ST8SIA1: variants seen among roughly 807,000 people sequenced by gnomAD.
ST8SIA1 encodes the protein alpha-N-acetylneuraminide alpha-2,8-sialyltransferase.
A neutral mutation model predicts 35.9 loss-of-function variants in ST8SIA1; 16 were observed. The ratio of observed to expected loss-of-function variants is 0.45; its 90% CI spans 0.30 to 0.68. ST8SIA1 has a LOEUF of 0.68. Among genes scored for constraint, ST8SIA1 ranks in the 30% least tolerant of loss-of-function variants. ST8SIA1 has a pLI of 0.09. For missense variants in ST8SIA1, 383 were observed against 453.6 expected (o/e 0.84, Z 1.41); for synonymous variants, 170 against 169.6 (o/e 1.00, Z -0.02).
chr12:22,284,046 A>T lies in ST8SIA1; in HGVS notation c.381+3103T>A, dbSNP rs529671434. Among the ~76,000 whole-genome samples, 405 of 152,326 alleles carry T rather than the reference A, an allele frequency of 2.7e-3. 3 individuals carry two copies. Among genetic ancestry groups the T allele is most frequent in the African/African-American group, 9.2e-3 (381 of 41,576 alleles). On this transcript the variant is annotated intron_variant, in intron 2 of 4. Coordinates refer to ENST00000396037, the MANE Select transcript of ST8SIA1 (RefSeq NM_003034.4). ...CTAACTAAAAGGAGTTTGATGTGGC[A>T]TCTCAATTCACAGACATTTCAATAG...
intron 2 of ST8SIA1, among the ~76,000 whole-genome samples, chr12:22,282,919 G>GA (rs970901532): frequency 1.1e-4 from 16 of 151,198 alleles, no homozygotes; most frequent in African/African-American, 3.9e-4. Context: ...TTTATTAAAA[G>GA]AAAAAAAAAT....
At chr12:22,225,931 T>C (rs1302657981) in intron 4 of ST8SIA1, among the ~76,000 whole-genome samples, 1 of 152,162 alleles carries the variant, frequency 6.6e-6, no homozygotes, top group Non-Finnish European at 1.5e-5. Flanking sequence ...ACCATGTATA[T>C]CAGCAAACAC....
intron 4 of ST8SIA1, among the ~76,000 whole-genome samples, chr12:22,241,028 G>C (rs1054336427): frequency 1.4e-5 from 2 of 139,500 alleles, no homozygotes; most frequent in Non-Finnish European, 3.0e-5. Context: ...GCCCAGGCAA[G>C]ACTGCAATCA....
At chr12:22,251,845 G>A (rs1012706542) in intron 3 of ST8SIA1, among the ~76,000 whole-genome samples, 1 of 152,194 alleles carries the variant, frequency 6.6e-6, no homozygotes, top group African/African-American at 2.4e-5. Flanking sequence ...ATGGGCTTGA[G>A]AGAAAGAAAT....
intron 1 of ST8SIA1, among the ~76,000 whole-genome samples, chr12:22,313,462 AG>A (rs1866478524): frequency 6.6e-6 from 1 of 152,176 alleles, no homozygotes. Flanking sequence ...AGAAACCATG[AG>A]GCATAGAAAA....
intron 4 of ST8SIA1, among the ~76,000 whole-genome samples, chr12:22,205,827 G>A (rs1003652725): frequency 6.6e-6 from 1 of 151,662 alleles, no homozygotes; most frequent in Non-Finnish European, 1.5e-5. Context: ...TTTCAACACA[G>A]GAAAATATTA....
At chr12:22,322,550 A>G (rs931274545) in intron 1 of ST8SIA1, among the ~76,000 whole-genome samples, 7 of 152,224 alleles carry the variant, frequency 4.6e-5, no homozygotes, top group Non-Finnish European at 5.9e-5. Context: ...TTCATCCAAT[A>G]CTCATTAGAC....
intron 3 of ST8SIA1, chr12:22,250,690 G>T (rs974678242): frequency 2.6e-5 from 4 of 152,190 alleles, no homozygotes; most frequent in African/African-American, 9.7e-5. Context: ...CACCCACTCA[G>T]CTGATCAGCT....
intron 1 of ST8SIA1, among the ~76,000 whole-genome samples, chr12:22,320,404 A>G (rs1474477222): frequency 1.3e-5 from 2 of 152,108 alleles, no homozygotes; most frequent in African/African-American, 4.8e-5. Flanking sequence ...CACCCAGCTG[A>G]TTTATACTAG....
At chr12:22,235,528 A>G (rs1865467545) in intron 4 of ST8SIA1, among the ~76,000 whole-genome samples, 1 of 152,218 alleles carries the variant, frequency 6.6e-6, no homozygotes, top group Non-Finnish European at 1.5e-5. Flanking sequence ...CGGAATACAT[A>G]ATCAACTCTG....
intron 4 of ST8SIA1, among the ~76,000 whole-genome samples, chr12:22,240,312 G>A (rs11837885): frequency 0.2 from 30,368 of 152,094 alleles, 3,232 homozygotes; most frequent in Middle Eastern, 0.3. Flanking sequence ...ATCAAAACTT[G>A]TGTTCTTCAC....
chr12:22,249,699 C>G (rs903702503), intron 3 of ST8SIA1, among the ~76,000 whole-genome samples: 1 of 152,042 alleles, frequency 6.6e-6, no homozygotes, highest in African/African-American at 2.4e-5. Flanking sequence ...AAGAAAGAGA[C>G]AGTAACTAGG....
intron 2 of ST8SIA1, among the ~76,000 whole-genome samples, chr12:22,269,677 G>A (rs1865888610): frequency 6.6e-6 from 1 of 152,176 alleles, no homozygotes; most frequent in Admixed American, 6.5e-5. Flanking sequence ...GAAGGTAGCT[G>A]AGAAACGGGA....
At chr12:22,255,108 G>A (rs1007178974) in intron 3 of ST8SIA1, among the ~76,000 whole-genome samples, 172 bp downstream of exon 3, 9 of 151,952 alleles carry the variant, frequency 5.9e-5, no homozygotes, top group Non-Finnish European at 1.2e-4. Context: ...ATGTTCCCTC[G>A]CTCCCCTTAC....
At chr12:22,265,657 C>T (rs1340026408) in intron 2 of ST8SIA1, among the ~76,000 whole-genome samples, 1 of 152,116 alleles carries the variant, frequency 6.6e-6, no homozygotes, top group African/African-American at 2.4e-5. Flanking sequence ...ATTTTCTCAG[C>T]AACACAGCCT....
chr12:22,204,838 T>A lies in ST8SIA1; in HGVS notation c.585-2800A>T, dbSNP rs538726857. Among the ~76,000 whole-genome samples the A allele has an allele frequency of 2.6e-5, 4 of 152,334 alleles. No homozygotes were observed. In the South Asian group the frequency reaches 8.3e-4, roughly 32 times the overall value. ...ATTGTTATGGTATACTGAATATGTT[T>A]AATATTACCCTGATCAAGAGTTTAA... On this transcript the variant is annotated intron_variant, in intron 4 of 4. Transcript: ENST00000396037.
chr12:22,320,958 AG>A (rs1866583286), intron 1 of ST8SIA1, among the ~76,000 whole-genome samples: 1 of 72,072 alleles, frequency 1.4e-5, no homozygotes, highest in East Asian at 3.3e-4. Flanking sequence ...AGAAAGAAAG[AG>A]AAAGAAAGAA....
intron 4 of ST8SIA1, among the ~76,000 whole-genome samples, chr12:22,204,451 G>C (rs2120615388): frequency 6.6e-6 from 1 of 152,240 alleles, no homozygotes; most frequent in South Asian, 2.1e-4. Context: ...TTCTAGAGCA[G>C]TTAGGATACC....
At chr12:22,318,497 GC>G (rs1001108125) in intron 1 of ST8SIA1, among the ~76,000 whole-genome samples, 2 of 152,158 alleles carry the variant, frequency 1.3e-5, no homozygotes, top group Non-Finnish European at 2.9e-5. Flanking sequence ...CTAAAGCTAA[GC>G]CACTGGGATG....
Sources: gnomAD v4.1 joint callset for allele counts (sites outside exome capture counted in the v4.1 genomes callset) on GRCh38, gnomAD v4.1.1 for gene constraint, MANE v1.5 for transcripts, NCBI Gene and HGNC (gene_info 2026-07-23, HGNC 2026-07-21) for gene names.